Variants in TMPRSS11E observed in about 807,000 individuals in gnomAD.
TMPRSS11E encodes transmembrane protease serine 11E.
In TMPRSS11E, 38 loss-of-function variants were observed where a neutral mutation model predicts 48.1. The ratio of observed to expected loss-of-function variants is 0.79; its 90% CI spans 0.61 to 1.04. The LOEUF (loss-of-function observed/expected upper bound fraction) is 1.04, where lower values mean the gene tolerates loss of function less well. Among genes scored for constraint, TMPRSS11E ranks in the 50% least tolerant of loss-of-function variants. The probability of loss-of-function intolerance (pLI) is 0.00; values close to 1 mark genes in which losing one functional copy is unlikely to be tolerated. For synonymous variants in TMPRSS11E, 158 were observed against 171.9 expected, an observed-to-expected ratio of 0.92 and a Z score of 0.63; for missense variants, 530 against 510.8, an observed-to-expected ratio of 1.04 and a Z score of -0.36.
intron 9 of TMPRSS11E, 70 bp downstream of exon 9, chr4:68,479,061 TACA>T: frequency 6.4e-7 from 1 of 1,571,464 alleles, no homozygotes; most frequent in South Asian, 1.2e-5. Context: ...ATTATATATC[TACA>T]GGAAGTTGCA....
chr4:68,456,224 C>T (rs1308501255), intron 1 of TMPRSS11E, among the ~76,000 whole-genome samples: 1 of 151,934 alleles, frequency 6.6e-6, no homozygotes. Context: ...GGGAAAGATA[C>T]TGTCACGTAA....
At chr4:68,473,205 T>C (rs775738658) in intron 5 of TMPRSS11E, among the ~76,000 whole-genome samples, 1 of 152,066 alleles carries the variant, frequency 6.6e-6, no homozygotes, top group Non-Finnish European at 1.5e-5. Flanking sequence ...CTTTCTACAT[T>C]GTAGTTTTCA....
chr4:68,468,807 A>G, intron 3 of TMPRSS11E, 72 bp from the exon 4 acceptor site: 2 of 1,145,610 alleles, frequency 1.7e-6, no homozygotes, highest in Non-Finnish European at 2.6e-6. Context: ...ATTTTCTAAA[A>G]AGCTTTGAAT....
In TMPRSS11E at chr4:68,482,761, G is replaced by A. The variant is rs145529437; in HGVS notation, c.1110+3770G>A. Among the ~76,000 whole-genome samples the A allele has an allele frequency of 2.5e-3, 385 of 151,740 alleles. 2 individuals are homozygous for A. The highest frequency in any genetic ancestry group is 8.9e-3 in the African/African-American group (366 of 41,334). On this transcript the variant is annotated intron_variant, in intron 9 of 9. Transcript: ENST00000305363. ...CAGTCCAGCTTGGGTGACACAGAAA[G>A]ACTTCATCTTGGGGAAAAAAAAAAA...
chr4:68,479,290 CCT>C (rs1270179720), intron 9 of TMPRSS11E, among the ~76,000 whole-genome samples: 1 of 152,048 alleles, frequency 6.6e-6, no homozygotes, highest in African/African-American at 2.4e-5. Flanking sequence ...CTTTTTCCCT[CCT>C]CCTACTATCC....
At chr4:68,462,493 G>GAATC (rs1232594184) in intron 2 of TMPRSS11E, among the ~76,000 whole-genome samples, 1 of 151,158 alleles carries the variant, frequency 6.6e-6, no homozygotes, top group Non-Finnish European at 1.5e-5. Context: ...TGAGGCAGGA[G>GAATC]AATCACTTGA....
At chr4:68,458,117 G>A (rs1728685314) in intron 1 of TMPRSS11E, among the ~76,000 whole-genome samples, 1 of 152,032 alleles carries the variant, frequency 6.6e-6, no homozygotes. Context: ...TTGATTGGTG[G>A]TATTGCTGTG....
chr4:68,486,533 G>T (rs2109713759), intron 9 of TMPRSS11E, among the ~76,000 whole-genome samples: 1 of 152,232 alleles, frequency 6.6e-6, no homozygotes, highest in South Asian at 2.1e-4. Context: ...AATTTGTTTA[G>T]AATTGCTTTA....
chr4:68,478,720 G>A (rs1352942290), intron 8 of TMPRSS11E, 129 bp from the exon 9 acceptor site: 3 of 964,684 alleles, frequency 3.1e-6, no homozygotes, highest in Admixed American at 2.3e-5. Context: ...CTCTCAAAGT[G>A]CTGGGATTAC....
At chr4:68,484,606 C>A (rs1292803115) in intron 9 of TMPRSS11E, among the ~76,000 whole-genome samples, 1 of 152,132 alleles carries the variant, frequency 6.6e-6, no homozygotes, top group Non-Finnish European at 1.5e-5. Context: ...CTGTACCTGG[C>A]CTTCAACTAT....
In TMPRSS11E at chr4:68,471,598, A is replaced by G; in HGVS notation, c.465A>G (p.Val155=). The part of the protein sequence containing the change: ...KLQDAVGPPK[V]DPHSVKIKKI... ...AAGATGCTGTAGGACCCCCTAAAGT[A>G]GATCCTCACTCAGTTAAAATTAAAA... The change falls in exon 5 of 10, where the codon GTA becomes GTG. Residue 155 remains valine, a synonymous_variant. Transcript: ENST00000305363. 1 of 1,597,514 alleles carries G rather than the reference A, an allele frequency of 6.3e-7. No individual in the cohort carries two copies. Among genetic ancestry groups the G allele is most frequent in the Non-Finnish European group, 8.5e-7 (1 of 1,174,156 alleles).
At chr4:68,486,869 A>G (rs1354666270) in intron 9 of TMPRSS11E, among the ~76,000 whole-genome samples, 1 of 152,178 alleles carries the variant, frequency 6.6e-6, no homozygotes, top group African/African-American at 2.4e-5. Flanking sequence ...ACACTTTATC[A>G]CTTTGTTACA....
Position 68,470,907 on chromosome 4 carries a change from A to C in TMPRSS11E, c.327-553A>C, listed in dbSNP as rs1560552248. On this transcript the variant is annotated intron_variant, in intron 4 of 9. Transcript: ENST00000305363. ...GCCTGAAGATTGTTTAGGGGAGGTA[A>C]GTAGACTTGAGTCACAAGAATAAAA... 1.3e-5 allele frequency among the ~76,000 whole-genome samples: 2 copies of C among 152,054 alleles called. 1 individual carries two copies. Among genetic ancestry groups the C allele is most frequent in the South Asian group, 4.2e-4 (2 of 4,816 alleles).
intron 3 of TMPRSS11E, among the ~76,000 whole-genome samples, chr4:68,467,770 T>C (rs1476444326): frequency 2.0e-5 from 3 of 152,140 alleles, no homozygotes; most frequent in Non-Finnish European, 4.4e-5. Context: ...AAACACCAAA[T>C]CAGGGAAATA....
At position 68,497,519 on chromosome 4, in the gene TMPRSS11E, A is replaced by G. The variant is rs895486453; in HGVS notation, c.*715A>G. The G allele has an allele frequency of 5.9e-5, 9 of 152,128 alleles. No homozygotes were observed. Among genetic ancestry groups the G allele is most frequent in the Non-Finnish European group, 1.3e-4 (9 of 68,010 alleles). The allele number at this position is 152,128 out of a possible 1,614,324, so 9.4% of individuals were successfully genotyped here. ...TAATTATACAAACTTCATGCAATGT[A>G]CTTGTTCTAAGCAAATTAAAGCAAA... On this transcript the variant is annotated 3_prime_UTR_variant, in exon 10 of 10. Coordinates refer to ENST00000305363, the MANE Select transcript of TMPRSS11E (RefSeq NM_014058.4).
At chr4:68,486,658 G>A (rs929149456) in intron 9 of TMPRSS11E, among the ~76,000 whole-genome samples, 2 of 152,104 alleles carry the variant, frequency 1.3e-5, no homozygotes, top group South Asian at 4.1e-4. Context: ...GGTTCATTTG[G>A]TCAAGTGTTG....
rs573735027 is a variant in TMPRSS11E, at chr4:68,487,912, G to T, written c.1111-8731G>T. On this transcript the variant is annotated intron_variant, in intron 9 of 9. Coordinates refer to ENST00000305363, the MANE Select transcript of TMPRSS11E (RefSeq NM_014058.4). ...GCTGAGATCATATCATTGCGCTCCA[G>T]CCTGGGTGACAAGGGTGAGACTCTG... is the stretch of plus-strand genomic sequence containing the variant. Among the ~76,000 whole-genome samples the T allele has an allele frequency of 3.8e-5, 5 of 132,474 alleles. No individual in the cohort carries two copies. In the South Asian group the frequency reaches 1.2e-3, roughly 33 times the overall value. The allele number at this position is 132,474 out of a possible 152,430, so 86.9% of individuals were successfully genotyped here. A position where few individuals can be genotyped will look rare whatever the true frequency, so the allele number is the denominator to read the frequency against.
chr4:68,493,208 C>T (rs1729777248), intron 9 of TMPRSS11E, among the ~76,000 whole-genome samples: 1 of 152,144 alleles, frequency 6.6e-6, no homozygotes. Flanking sequence ...ATTTACAACT[C>T]ATGGCCAACC....
chr4:68,450,961 G>C (rs1314022198), intron 1 of TMPRSS11E, among the ~76,000 whole-genome samples: 1 of 151,894 alleles, frequency 6.6e-6, no homozygotes, highest in Admixed American at 6.6e-5. Flanking sequence ...TGTCATTGTT[G>C]TCTGCTTTCC....
Sources: allele counts gnomAD v4.1 joint callset (sites outside exome capture counted in the v4.1 genomes callset), GRCh38; gene constraint gnomAD v4.1.1; transcripts MANE v1.5; gene names NCBI Gene and HGNC (gene_info 2026-07-23, HGNC 2026-07-21).